ZMYM4: variants seen among roughly 807,000 people sequenced by gnomAD.
ZMYM4 encodes zinc finger MYM-type protein 4.
In ZMYM4, 31 loss-of-function variants were observed where a neutral mutation model predicts 183.2. The ratio of observed to expected loss-of-function variants is 0.17; its 90% CI spans 0.13 to 0.23. The LOEUF (loss-of-function observed/expected upper bound fraction) is 0.23. ZMYM4 is among the 10% of genes least tolerant of loss of function. The probability of loss-of-function intolerance (pLI) is 1.00; values close to 1 mark genes in which losing one functional copy is unlikely to be tolerated. For missense variants in ZMYM4, 1,273 were observed against 1,840.3 expected (o/e 0.69, Z 5.64); for synonymous variants, 592 against 631.2 (o/e 0.94, Z 0.93).
chr1:35,347,638 G>T (rs993337781), intron 2 of ZMYM4, among the ~76,000 whole-genome samples: 1 of 152,118 alleles, frequency 6.6e-6, no homozygotes, highest in Non-Finnish European at 1.5e-5. Flanking sequence ...AGTGAAGAGA[G>T]AAGATGAAAA....
At chr1:35,313,394 T>TC (rs1553166181) in intron 1 of ZMYM4, among the ~76,000 whole-genome samples, 5 of 147,934 alleles carry the variant, frequency 3.4e-5, no homozygotes, top group African/African-American at 1.2e-4. Context: ...CTTTTTCTTT[T>TC]TTTTTTTTTT....
intron 7 of ZMYM4, among the ~76,000 whole-genome samples, chr1:35,372,683 A>G (rs2148940710): frequency 6.6e-6 from 1 of 152,062 alleles, no homozygotes; most frequent in East Asian, 2.0e-4. Context: ...TTGGATTTTT[A>G]AAAAGGTTTT....
intron 1 of ZMYM4, among the ~76,000 whole-genome samples, chr1:35,282,863 A>G (rs1040152571): frequency 9.4e-5 from 14 of 149,096 alleles, no homozygotes; most frequent in African/African-American, 3.2e-4. Flanking sequence ...GCCTGTGTTT[A>G]TCTTTTTGAG....
At chr1:35,392,779 A>G in intron 17 of ZMYM4, 95 bp downstream of exon 17, 1 of 864,028 alleles carries the variant, frequency 1.2e-6, no homozygotes, top group South Asian at 2.0e-5. Context: ...CTCCTTCTTT[A>G]TTATATGAAA....
chr1:35,348,644 G>A (rs1643484228), intron 2 of ZMYM4, among the ~76,000 whole-genome samples: 1 of 152,156 alleles, frequency 6.6e-6, no homozygotes, highest in African/African-American at 2.4e-5. Context: ...GCTCTGATAA[G>A]AATCACGGTC....
intron 2 of ZMYM4, among the ~76,000 whole-genome samples, chr1:35,333,968 T>C (rs1043145207): frequency 6.6e-6 from 1 of 152,010 alleles, no homozygotes; most frequent in African/African-American, 2.4e-5. Flanking sequence ...AGTCCTTTAA[T>C]GTATGTTTTT....
At chr1:35,360,332 G>C (rs937398398) in intron 3 of ZMYM4, among the ~76,000 whole-genome samples, 2 of 151,914 alleles carry the variant, frequency 1.3e-5, no homozygotes, top group African/African-American at 4.8e-5. Flanking sequence ...TGTATTCTTG[G>C]GGCCTAACCT....
At chr1:35,276,903 A>C (rs1018746056) in intron 1 of ZMYM4, among the ~76,000 whole-genome samples, 3 of 152,180 alleles carry the variant, frequency 2.0e-5, no homozygotes, top group African/African-American at 7.2e-5. Flanking sequence ...CACTGCACCC[A>C]GCCAATAATC....
chr1:35,268,860 T>G lies in ZMYM4; in HGVS notation c.-187T>G. On this transcript the variant is annotated 5_prime_UTR_variant, in exon 1 of 30. Transcript: ENST00000314607. ...GCCCTCCCGCCCACGCGCGGACCCG[T>G]GGGATCTCAGAAGCTGCGGCCCGGC... The G allele has an allele frequency of 5.4e-5, 27 of 500,848 alleles. No individual in the cohort carries two copies. The highest frequency in any genetic ancestry group is 1.8e-4 in the South Asian group (2 of 10,950). The allele number at this position is 500,848 out of a possible 1,614,324, so 31.0% of individuals were successfully genotyped here. A position where few individuals can be genotyped will look rare whatever the true frequency, so the allele number is the denominator to read the frequency against.
intron 26 of ZMYM4, among the ~76,000 whole-genome samples, chr1:35,410,879 G>C (rs962139781): frequency 6.6e-6 from 1 of 151,818 alleles, no homozygotes; most frequent in Non-Finnish European, 1.5e-5. Flanking sequence ...TGTGCTCCTG[G>C]TGTTATATCT....
chr1:35,387,892 A>C (rs1015943155), intron 13 of ZMYM4, among the ~76,000 whole-genome samples: 2 of 152,218 alleles, frequency 1.3e-5, no homozygotes, highest in Non-Finnish European at 1.5e-5. Flanking sequence ...CGGGACCTCA[A>C]AGAGCTTCTA....
rs1173420649 is a variant in ZMYM4 at position 35,389,754 on chromosome 1, CAAAAA to C, written c.2437-183_2437-179del. On this transcript the variant is annotated intron_variant, in intron 14 of 29. Transcript: ENST00000314607. This position sits in a 1 kb window ranked among gnomAD's most constrained non-coding sequence, Gnocchi z 4.0. ...TGGGCGATAGAGCAAGGCTCTGTCT[CAAAAA>C]AAAAAAAAAATATATATATATATGT... 5.5e-5 allele frequency among the ~76,000 whole-genome samples: 5 copies of C among 91,546 alleles called. No homozygotes were observed. The highest frequency in any genetic ancestry group is 1.9e-4 in the African/African-American group (5 of 27,022). 60.1% of individuals were successfully genotyped at this position (91,546 alleles called of 152,430 possible).
intron 1 of ZMYM4, among the ~76,000 whole-genome samples, chr1:35,275,169 T>C (rs1639807963): frequency 6.6e-6 from 1 of 152,076 alleles, no homozygotes; most frequent in Non-Finnish European, 1.5e-5. Flanking sequence ...AAATATACAC[T>C]AAATATTTTG....
chr1:35,309,993 G>A (rs1431581741), intron 1 of ZMYM4, among the ~76,000 whole-genome samples: 5 of 149,624 alleles, frequency 3.3e-5, no homozygotes, highest in Non-Finnish European at 5.9e-5. Context: ...GCAATGGCGC[G>A]ATCTCGGCTC....
Position 35,396,598 on chromosome 1 carries a change from A to G in ZMYM4, c.2958A>G (p.Val986=). 1 of 1,613,902 alleles carries G rather than the reference A, an allele frequency of 6.2e-7. No homozygotes were observed. The highest frequency in any genetic ancestry group is 8.5e-7 in the Non-Finnish European group (1 of 1,179,828). ...QPQIIVVPVP[V]PVFVPIPLHL... ...AGATTATTGTGGTGCCAGTTCCCGT[A>G]CCAGTGTTTGTTCCCATACCTCTTC... is the stretch of plus-strand genomic sequence containing the variant. The change falls in exon 19 of 30, where the codon GTA becomes GTG. Residue 986 remains valine (V), a synonymous_variant. Coordinates refer to ENST00000314607, the MANE Select transcript of ZMYM4 (RefSeq NM_005095.3).
chr1:35,368,488 A>T (rs566115847), intron 5 of ZMYM4, among the ~76,000 whole-genome samples: 42 of 152,342 alleles, frequency 2.8e-4, no homozygotes, highest in African/African-American at 1.0e-3. Flanking sequence ...GTGTTCCATT[A>T]TAATGTACTT....
chr1:35,364,085 G>A (rs1644010527), intron 5 of ZMYM4, among the ~76,000 whole-genome samples: 3 of 152,180 alleles, frequency 2.0e-5, no homozygotes, highest in African/African-American at 7.2e-5. Flanking sequence ...GGATGGAACA[G>A]ATAGAAACAC....
rs571822610 is a variant in ZMYM4 at position 35,381,872 on chromosome 1, C to A, written c.1569+114C>A. Reference sequence around the variant, plus strand: ...CAATATTGGGTTTACTGGCCAAGTGCCATGGCTCACACCTGTAATCCCAGC... The same window carrying A: ...CAATATTGGGTTTACTGGCCAAGTGACATGGCTCACACCTGTAATCCCAGC... On this transcript the variant is annotated intron_variant, in intron 9 of 29. Transcript: ENST00000314607. 7.0e-6 allele frequency: 9 copies of A among 1,277,100 alleles called. No homozygotes were observed. In the South Asian group the frequency reaches 1.2e-4, roughly 16 times the overall value. The allele number at this position is 1,277,100 out of a possible 1,614,324, so 79.1% of individuals were successfully genotyped here.
intron 1 of ZMYM4, among the ~76,000 whole-genome samples, chr1:35,290,509 C>T (rs1252693241): frequency 1.3e-5 from 2 of 152,108 alleles, no homozygotes; most frequent in Admixed American, 1.3e-4. Flanking sequence ...AATCATAGCT[C>T]ACTGCAGCTT....
Sources: allele counts gnomAD v4.1 joint callset (sites outside exome capture counted in the v4.1 genomes callset), GRCh38; gene constraint gnomAD v4.1.1; non-coding constraint Gnocchi (gnomAD v3.1); transcripts MANE v1.5; gene names NCBI Gene and HGNC (gene_info 2026-07-23, HGNC 2026-07-21).